The following COL14A1 variants were observed in gnomAD, a reference collection of about 807,000 sequenced individuals.
COL14A1 encodes collagen alpha-1(XIV) chain.
Under a neutral mutation model 230.3 loss-of-function variants are expected in COL14A1, and 136 were observed. That is an observed-to-expected ratio of 0.59 (90% CI 0.51 to 0.68). The LOEUF is 0.68. Ranked by LOEUF, COL14A1 falls within the 30% of genes least tolerant of loss-of-function variation. The pLI is 0.00. For missense variants in COL14A1, 1,976 were observed against 2,215.8 expected (o/e 0.89, Z 2.17); for synonymous variants, 792 against 784.1 (o/e 1.01, Z -0.17).
At chr8:120,153,989 T>C (rs1179588687) in intron 2 of COL14A1, among the ~76,000 whole-genome samples, 1 of 152,004 alleles carries the variant, frequency 6.6e-6, no homozygotes, top group Middle Eastern at 3.2e-3. Flanking sequence ...TGGTTGGCCC[T>C]ATGCAGTGGG....
chr8:120,141,553 G>T (rs1814908780), intron 1 of COL14A1, among the ~76,000 whole-genome samples: 1 of 151,608 alleles, frequency 6.6e-6, no homozygotes, highest in African/African-American at 2.4e-5. Flanking sequence ...TCAAAAAAAA[G>T]AAAACAAAAG....
chr8:120,130,883 C>G, intron 1 of COL14A1, among the ~76,000 whole-genome samples: 1 of 151,900 alleles, frequency 6.6e-6, no homozygotes, highest in South Asian at 2.1e-4. Context: ...TTTTCCTTCC[C>G]TCGCTATTAG....
At chr8:120,247,026 T>C in intron 20 of COL14A1, among the ~76,000 whole-genome samples, 1 of 152,180 alleles carries the variant, frequency 6.6e-6, no homozygotes, top group East Asian at 1.9e-4. Context: ...TTGAATTCAA[T>C]TATACCTAAA....
intron 44 of COL14A1, 76 bp downstream of exon 44, chr8:120,342,522 C>A: frequency 7.2e-7 from 1 of 1,389,312 alleles, no homozygotes; most frequent in Non-Finnish European, 1.0e-6. Flanking sequence ...TTCCCATGAG[C>A]GTACCACTAA....
At chr8:120,247,919 T>A (rs565563883) in intron 21 of COL14A1, among the ~76,000 whole-genome samples, 184 bp downstream of exon 21, 1 of 152,244 alleles carries the variant, frequency 6.6e-6, no homozygotes, top group East Asian at 1.9e-4. Flanking sequence ...GTAGATATTA[T>A]CAGGATGATG....
At chr8:120,327,541 C>T (rs1245025233) in intron 40 of COL14A1, among the ~76,000 whole-genome samples, 1 of 152,112 alleles carries the variant, frequency 6.6e-6, no homozygotes, top group Non-Finnish European at 1.5e-5. Flanking sequence ...AGGATCCTAA[C>T]CTTAAGCTTT....
intron 17 of COL14A1, 26 bp downstream of exon 17, chr8:120,227,378 GTT>G: frequency 1.2e-6 from 2 of 1,612,052 alleles, no homozygotes; most frequent in Non-Finnish European, 1.7e-6. Flanking sequence ...GCCACAGTGC[GTT>G]TTAGCTGCTC....
At chr8:120,246,530 A>G (rs902742246) in intron 20 of COL14A1, among the ~76,000 whole-genome samples, 1 of 152,226 alleles carries the variant, frequency 6.6e-6, no homozygotes, top group Non-Finnish European at 1.5e-5. Flanking sequence ...TAAAGAAAAC[A>G]TCAAGTAGTA....
chr8:120,349,905 G>A (rs1193951591), intron 45 of COL14A1, among the ~76,000 whole-genome samples: 2 of 145,772 alleles, frequency 1.4e-5, no homozygotes, highest in African/African-American at 2.6e-5. Context: ...GATACTCCTC[G>A]AGAAGAGCAA....
intron 5 of COL14A1, 58 bp downstream of exon 5, chr8:120,168,305 C>T: frequency 8.2e-7 from 1 of 1,217,960 alleles, no homozygotes; most frequent in Non-Finnish European, 1.2e-6. Context: ...ATTACACAGG[C>T]AATACTCACA....
intron 9 of COL14A1, among the ~76,000 whole-genome samples, chr8:120,205,573 C>T (rs1354341254): frequency 6.6e-6 from 1 of 152,136 alleles, no homozygotes; most frequent in Non-Finnish European, 1.5e-5. Context: ...TTATTTGCTG[C>T]CTCTGTTGTA....
chr8:120,356,819 A>G (rs764781347), intron 45 of COL14A1, among the ~76,000 whole-genome samples: 2 of 151,796 alleles, frequency 1.3e-5, no homozygotes, highest in Non-Finnish European at 2.9e-5. Context: ...ATGAATACAG[A>G]TAGTTTTCTC....
intron 22 of COL14A1, among the ~76,000 whole-genome samples, chr8:120,252,476 G>A (rs1385197285): frequency 6.6e-6 from 1 of 152,154 alleles, no homozygotes; most frequent in Non-Finnish European, 1.5e-5. Flanking sequence ...AGTCTAGATA[G>A]TCCTGAGTGC....
intron 4 of COL14A1, among the ~76,000 whole-genome samples, chr8:120,165,063 G>T (rs1815816813): frequency 6.6e-6 from 1 of 152,192 alleles, no homozygotes; most frequent in African/African-American, 2.4e-5. Context: ...TAAATAATAT[G>T]CAAGCGTGTA....
At chr8:120,223,289 C>T (rs1817988669) in intron 14 of COL14A1, among the ~76,000 whole-genome samples, 2 of 152,198 alleles carry the variant, frequency 1.3e-5, no homozygotes, top group African/African-American at 4.8e-5. Context: ...GGTTACTTTG[C>T]CATGAGCAAA....
chr8:120,135,744 G>A (rs1277228755), intron 1 of COL14A1, among the ~76,000 whole-genome samples: 1 of 151,200 alleles, frequency 6.6e-6, no homozygotes, highest in Non-Finnish European at 1.5e-5. Context: ...CCATGAACAT[G>A]GTGCACTGCT....
At chr8:120,280,573 A>G (rs557957730) in intron 29 of COL14A1, 138 bp from the exon 30 acceptor site, 19 of 819,610 alleles carry the variant, frequency 2.3e-5, no homozygotes, top group Admixed American at 1.6e-4. Context: ...ACAGAAAACC[A>G]TAGTCACATT....
chr8:120,230,515 C>T (rs939547051), intron 18 of COL14A1, among the ~76,000 whole-genome samples: 6 of 152,056 alleles, frequency 3.9e-5, no homozygotes, highest in Non-Finnish European at 7.4e-5. Flanking sequence ...TGCTTCCCTT[C>T]CTGGCCTCAA....
intron 5 of COL14A1, among the ~76,000 whole-genome samples, chr8:120,186,947 C>CA (rs1040287652): frequency 7.3e-5 from 11 of 151,340 alleles, no homozygotes; most frequent in South Asian, 2.1e-4. Context: ...GTGATGGGCA[C>CA]AAAAAAAATG....
Sources: gnomAD v4.1 joint callset for allele counts (sites outside exome capture counted in the v4.1 genomes callset) on GRCh38, gnomAD v4.1.1 for gene constraint, MANE v1.5 for transcripts, NCBI Gene and HGNC (gene_info 2026-07-23, HGNC 2026-07-21) for gene names.